The following ST6GALNAC5 variants were observed in gnomAD, a reference collection of about 807,000 sequenced individuals.
The protein encoded by ST6GALNAC5 is alpha-N-acetylgalactosaminide alpha-2,6-sialyltransferase 5.
Under a neutral mutation model 33.6 loss-of-function variants are expected in ST6GALNAC5, and 27 were observed. That is an observed-to-expected ratio of 0.80 (90% CI 0.59 to 1.11). The LOEUF (loss-of-function observed/expected upper bound fraction) is 1.11. ST6GALNAC5 is among the 50% of genes least tolerant of loss of function. The pLI, the probability that ST6GALNAC5 is intolerant of heterozygous loss-of-function variation, is 0.00. For missense variants in ST6GALNAC5, 428 were observed against 454.0 expected (o/e 0.94, Z 0.52); for synonymous variants, 194 against 171.2 (o/e 1.13, Z -1.04).
At chr1:76,896,861 T>G (rs57311969) in intron 2 of ST6GALNAC5, among the ~76,000 whole-genome samples, 1 of 152,078 alleles carries the variant, frequency 6.6e-6, no homozygotes, top group African/African-American at 2.4e-5. Context: ...AGCCACTGCA[T>G]GCAGACATGA....
intron 2 of ST6GALNAC5, among the ~76,000 whole-genome samples, chr1:76,983,040 C>T (rs1459596157): frequency 6.6e-6 from 1 of 151,978 alleles, no homozygotes; most frequent in African/African-American, 2.4e-5. Context: ...ACAACCAGTA[C>T]CAGCCACTGC....
chr1:77,001,556 T>A (rs1650166173), intron 2 of ST6GALNAC5, among the ~76,000 whole-genome samples: 1 of 150,292 alleles, frequency 6.7e-6, no homozygotes, highest in Non-Finnish European at 1.5e-5. Flanking sequence ...AGAGAGGGCA[T>A]CCCTGTCTTG....
At chr1:77,014,294 G>T (rs1052977554) in intron 2 of ST6GALNAC5, among the ~76,000 whole-genome samples, 73 of 152,292 alleles carry the variant, frequency 4.8e-4, no homozygotes, top group African/African-American at 1.7e-3. Flanking sequence ...CAAGTGACAG[G>T]ATTCCCCATC....
chr1:76,883,699 G>T (rs1231236022), intron 2 of ST6GALNAC5, among the ~76,000 whole-genome samples: 1 of 152,146 alleles, frequency 6.6e-6, no homozygotes, highest in African/African-American at 2.4e-5. Context: ...GAGCTCTTTG[G>T]CATGTCATAA....
chr1:76,990,424 G>T (rs182042085), intron 2 of ST6GALNAC5, among the ~76,000 whole-genome samples: 1 of 152,158 alleles, frequency 6.6e-6, no homozygotes, highest in South Asian at 2.1e-4. Flanking sequence ...GACACATGAG[G>T]TCTTATCCCC....
At position 76,961,398 on chromosome 1, in the gene ST6GALNAC5, A is replaced by G. The variant is rs182945566; in HGVS notation, c.262-82806A>G. On this transcript the variant is annotated intron_variant, in intron 2 of 4. Coordinates refer to ENST00000477717, the MANE Select transcript of ST6GALNAC5 (RefSeq NM_030965.3). ...TCTGGAATGCGAAGAAGAAAGAAAA[A>G]AAGACAAGGAACGTGAAAATTGGGT... 2.9e-4 allele frequency among the ~76,000 whole-genome samples: 44 copies of G among 152,286 alleles called. 1 individual carries two copies. The highest frequency in any genetic ancestry group is 1.4e-3 in the Admixed American group (22 of 15,288).
intron 2 of ST6GALNAC5, among the ~76,000 whole-genome samples, chr1:76,946,008 C>T (rs755675863): frequency 3.9e-5 from 6 of 152,162 alleles, no homozygotes; most frequent in South Asian, 4.1e-4. Flanking sequence ...GAGTCCTTAG[C>T]ATACAGAAAT....
At chr1:76,971,431 A>C (rs1417930833) in intron 2 of ST6GALNAC5, among the ~76,000 whole-genome samples, 1 of 152,160 alleles carries the variant, frequency 6.6e-6, no homozygotes, top group Non-Finnish European at 1.5e-5. Flanking sequence ...GAAACCACTA[A>C]ATATTTGCTA....
chr1:77,030,707 A>G (rs1570115959), intron 2 of ST6GALNAC5, among the ~76,000 whole-genome samples: 1 of 152,354 alleles, frequency 6.6e-6, no homozygotes, highest in East Asian at 1.9e-4. Flanking sequence ...TCTAATATAA[A>G]TGGATGAAGC....
intron 2 of ST6GALNAC5, among the ~76,000 whole-genome samples, chr1:76,882,497 T>G (rs908563613): frequency 1.3e-5 from 2 of 152,130 alleles, no homozygotes; most frequent in Non-Finnish European, 2.9e-5. Context: ...AAGAAAGCAT[T>G]TTACCTATCA....
intron 2 of ST6GALNAC5, among the ~76,000 whole-genome samples, chr1:76,936,469 A>G (rs1196710172): frequency 6.6e-6 from 1 of 152,062 alleles, no homozygotes; most frequent in East Asian, 1.9e-4. Flanking sequence ...TCTAAAATGT[A>G]GTAAGAAAAA....
chr1:76,967,399 T>C (rs186362956), intron 2 of ST6GALNAC5, among the ~76,000 whole-genome samples: 23 of 151,634 alleles, frequency 1.5e-4, no homozygotes, highest in African/African-American at 5.5e-4. Context: ...GTGTTCATAG[T>C]ATTCTTTGTA....
chr1:77,051,490 G>C (rs199704), intron 4 of ST6GALNAC5, among the ~76,000 whole-genome samples: 58,169 of 151,964 alleles, frequency 0.38, 11,901 homozygotes, highest in African/African-American at 0.52. Context: ...TGACCTTGAA[G>C]AAGTCACTTA....
intron 2 of ST6GALNAC5, among the ~76,000 whole-genome samples, chr1:77,026,468 C>G (rs1651240789): frequency 6.6e-6 from 1 of 152,170 alleles, no homozygotes; most frequent in Non-Finnish European, 1.5e-5. Context: ...GGGCGTAATT[C>G]CAGCTTTGGC....
chr1:76,937,147 A>C (rs34488644), intron 2 of ST6GALNAC5, among the ~76,000 whole-genome samples: 1 of 151,728 alleles, frequency 6.6e-6, no homozygotes, highest in African/African-American at 2.4e-5. Context: ...CAGCACTAAT[A>C]GAAGCCAAAG....
chr1:77,056,650 G>A (rs755181578), intron 4 of ST6GALNAC5, among the ~76,000 whole-genome samples: 12 of 152,316 alleles, frequency 7.9e-5, no homozygotes, highest in East Asian at 5.8e-4. Flanking sequence ...GGGTAGAATC[G>A]GAAGCTTACT....
intron 2 of ST6GALNAC5, among the ~76,000 whole-genome samples, chr1:77,002,068 C>T (rs1404722527): frequency 2.6e-5 from 4 of 151,910 alleles, no homozygotes; most frequent in Non-Finnish European, 4.4e-5. Flanking sequence ...AGGAATGGTA[C>T]CAGTTCCTCC....
chr1:77,039,318 C>A (rs1476760260), intron 2 of ST6GALNAC5, among the ~76,000 whole-genome samples: 1 of 152,226 alleles, frequency 6.6e-6, no homozygotes, highest in Non-Finnish European at 1.5e-5. Flanking sequence ...ATGGTCCTTA[C>A]TGTGTCCCGG....
intron 2 of ST6GALNAC5, among the ~76,000 whole-genome samples, chr1:76,874,991 T>A (rs4271261): frequency 0.07 from 10,617 of 152,208 alleles, 800 homozygotes; most frequent in African/African-American, 0.2. Context: ...CAAAAAGTTA[T>A]CAATACTTAA....
Sources: gnomAD v4.1 joint callset for allele counts (sites outside exome capture counted in the v4.1 genomes callset) on GRCh38, gnomAD v4.1.1 for gene constraint, MANE v1.5 for transcripts, NCBI Gene and HGNC (gene_info 2026-07-23, HGNC 2026-07-21) for gene names.